SPOCK3: variants seen among roughly 807,000 people sequenced by gnomAD.
SPOCK3 encodes the protein SPARC (osteonectin), cwcv and kazal like domains proteoglycan 3.
Under a neutral mutation model 56.6 loss-of-function variants are expected in SPOCK3, and 30 were observed. The ratio of observed to expected loss-of-function variants is 0.53; its 90% CI spans 0.40 to 0.72. The LOEUF (loss-of-function observed/expected upper bound fraction) is 0.72. Among genes scored for constraint, SPOCK3 ranks in the 30% least tolerant of loss-of-function variants. SPOCK3 has a pLI of 0.00. For synonymous variants in SPOCK3, 196 were observed against 183.3 expected (o/e 1.07, Z -0.56); for missense variants, 527 against 530.0 (o/e 0.99, Z 0.06).
chr4:167,215,454 G>A (rs1735266470), intron 2 of SPOCK3, among the ~76,000 whole-genome samples: 1 of 151,950 alleles, frequency 6.6e-6, no homozygotes, highest in Non-Finnish European at 1.5e-5. Flanking sequence ...AAGAGGTCAT[G>A]GAAAAAGGAA....
intron 6 of SPOCK3, among the ~76,000 whole-genome samples, chr4:166,885,308 A>G (rs1054352132): frequency 6.6e-6 from 1 of 151,424 alleles, no homozygotes; most frequent in Non-Finnish European, 1.5e-5. Context: ...AACAAACAAA[A>G]AAATTGTCTC....
At chr4:167,088,285 G>A (rs1437939486) in intron 2 of SPOCK3, among the ~76,000 whole-genome samples, 1 of 152,020 alleles carries the variant, frequency 6.6e-6, no homozygotes, top group African/African-American at 2.4e-5. Context: ...TTGCATTTCT[G>A]ATAAGGTTTC....
chr4:166,949,238 A>T (rs956230103), intron 4 of SPOCK3, among the ~76,000 whole-genome samples: 4 of 152,054 alleles, frequency 2.6e-5, no homozygotes, highest in Non-Finnish European at 5.9e-5. Context: ...CTAGTTATAC[A>T]TTCGTCTAAA....
chr4:166,921,323 A>ATT (rs746455090), intron 4 of SPOCK3, among the ~76,000 whole-genome samples: 182 of 138,214 alleles, frequency 1.3e-3, no homozygotes, highest in East Asian at 4.5e-3. Context: ...CATGTGTTGA[A>ATT]TTTTTTTTTT....
At chr4:166,873,991 A>G (rs1732787872) in intron 6 of SPOCK3, among the ~76,000 whole-genome samples, 1 of 152,302 alleles carries the variant, frequency 6.6e-6, no homozygotes, top group African/African-American at 2.4e-5. Flanking sequence ...TGCACCTTGT[A>G]GTAGCTTTTG....
At chr4:167,130,973 T>C (rs1192817623) in intron 2 of SPOCK3, among the ~76,000 whole-genome samples, 2 of 152,178 alleles carry the variant, frequency 1.3e-5, no homozygotes, top group Non-Finnish European at 2.9e-5. Context: ...ATTATATTGA[T>C]GTTAGGTAGA....
intron 3 of SPOCK3, among the ~76,000 whole-genome samples, chr4:167,039,718 CAAAATTAAGTG>C (rs1561149535): frequency 6.6e-6 from 1 of 151,018 alleles, no homozygotes; most frequent in African/African-American, 2.4e-5. Context: ...TATACACTGT[CAAAATTAAGTG>C]AAAATTGGGA....
intron 2 of SPOCK3, among the ~76,000 whole-genome samples, chr4:167,178,406 G>T (rs1731165498): frequency 6.6e-6 from 1 of 152,114 alleles, no homozygotes; most frequent in Non-Finnish European, 1.5e-5. Flanking sequence ...AGATGAAAAA[G>T]CCTCCTAAGT....
chr4:167,214,042 C>A (rs374443021), intron 2 of SPOCK3, among the ~76,000 whole-genome samples: 2 of 152,178 alleles, frequency 1.3e-5, no homozygotes, highest in East Asian at 1.9e-4. Context: ...TGATTTGATA[C>A]CAAATTACGT....
chr4:166,777,511 T>G (rs1739694648), intron 7 of SPOCK3, among the ~76,000 whole-genome samples: 1 of 152,130 alleles, frequency 6.6e-6, no homozygotes, highest in African/African-American at 2.4e-5. Flanking sequence ...GTGTGGTGGC[T>G]CAGGCCATTA....
chr4:167,127,061 C>T (rs1580375896), intron 2 of SPOCK3, among the ~76,000 whole-genome samples: 3 of 152,084 alleles, frequency 2.0e-5, no homozygotes, highest in South Asian at 2.1e-4. Flanking sequence ...ATAGAATAGA[C>T]AATTGGGTGA....
chr4:166,994,405 C>G (rs943845915), intron 4 of SPOCK3, among the ~76,000 whole-genome samples: 10 of 152,112 alleles, frequency 6.6e-5, no homozygotes, highest in African/African-American at 2.2e-4. Flanking sequence ...TGGGGCTAAA[C>G]TGTGAAGCCA....
chr4:167,060,336 T>G (rs2150242421), intron 3 of SPOCK3, among the ~76,000 whole-genome samples: 1 of 150,694 alleles, frequency 6.6e-6, no homozygotes, highest in African/African-American at 2.4e-5. Context: ...AAATAATACT[T>G]GAAGGAAGAG....
chr4:167,135,778 G>A (rs1763071186), intron 2 of SPOCK3, among the ~76,000 whole-genome samples: 1 of 151,328 alleles, frequency 6.6e-6, no homozygotes, highest in Non-Finnish European at 1.5e-5. Context: ...GTGATTGACT[G>A]CTGAATAAAG....
intron 6 of SPOCK3, among the ~76,000 whole-genome samples, chr4:166,814,774 C>T (rs759120334): frequency 2.0e-5 from 3 of 152,036 alleles, no homozygotes; most frequent in Non-Finnish European, 4.4e-5. Context: ...TGGGACTTCG[C>T]CTTGTGATTG....
At chr4:167,110,056 C>A (rs1234928651) in intron 2 of SPOCK3, among the ~76,000 whole-genome samples, 1 of 151,986 alleles carries the variant, frequency 6.6e-6, no homozygotes, top group African/African-American at 2.4e-5. Context: ...AAGCATAATT[C>A]TTTAAGCCAC....
At chr4:167,214,056 C>T (rs1735133584) in intron 2 of SPOCK3, among the ~76,000 whole-genome samples, 1 of 152,098 alleles carries the variant, frequency 6.6e-6, no homozygotes, top group South Asian at 2.1e-4. Flanking sequence ...ATTACGTTCT[C>T]AAAGGCCTCA....
chr4:167,054,971 TG>T (rs1268189439), intron 3 of SPOCK3, among the ~76,000 whole-genome samples: 1 of 151,852 alleles, frequency 6.6e-6, no homozygotes, highest in Non-Finnish European at 1.5e-5. Context: ...TATAAAATAT[TG>T]ATTAACATTT....
chr4:167,015,816 T>C (rs549275827), intron 3 of SPOCK3, among the ~76,000 whole-genome samples: 7 of 152,150 alleles, frequency 4.6e-5, no homozygotes, highest in Non-Finnish European at 1.0e-4. Context: ...CCTTATTTTG[T>C]TAGACATGCT....
Sources: allele counts gnomAD v4.1 joint callset (sites outside exome capture counted in the v4.1 genomes callset), GRCh38; gene constraint gnomAD v4.1.1; transcripts MANE v1.5; gene names NCBI Gene and HGNC (gene_info 2026-07-23, HGNC 2026-07-21).